The following EML6 variants were observed in gnomAD, a reference collection of about 807,000 sequenced individuals.
EML6 encodes echinoderm microtubule-associated protein-like 6.
Under a neutral mutation model 240.1 loss-of-function variants are expected in EML6, and 154 were observed. The ratio of observed to expected loss-of-function variants is 0.64; its 90% CI spans 0.56 to 0.73. The LOEUF (loss-of-function observed/expected upper bound fraction) is 0.73, where lower values mean the gene tolerates loss of function less well. Ranked by LOEUF, EML6 falls within the 30% of genes least tolerant of loss-of-function variation. The probability of loss-of-function intolerance (pLI) is 0.00; values close to 1 mark genes in which losing one functional copy is unlikely to be tolerated. For synonymous variants in EML6, 1,148 were observed against 899.0 expected (o/e 1.28, Z -4.95); for missense variants, 2,964 against 2,474.6 (o/e 1.20, Z -4.20).
intron 4 of EML6, among the ~76,000 whole-genome samples, chr2:54,817,762 A>G (rs1668142193): frequency 6.6e-6 from 1 of 152,142 alleles, no homozygotes; most frequent in South Asian, 2.1e-4. Context: ...ATGAGGCTCT[A>G]ATTAAACATG....
chr2:54,763,507 T>G (rs1350947500), intron 2 of EML6, among the ~76,000 whole-genome samples: 2 of 152,242 alleles, frequency 1.3e-5, no homozygotes, highest in Non-Finnish European at 1.5e-5. Context: ...TTCTTTCATT[T>G]TATTATCTTT....
intron 17 of EML6, among the ~76,000 whole-genome samples, chr2:54,889,518 C>G (rs974788794): frequency 4.2e-5 from 6 of 144,008 alleles, no homozygotes; most frequent in Admixed American, 3.6e-4. Context: ...TTACATGTAT[C>G]TCGTTGAGTT....
chr2:54,963,958 C>T (rs1573227210), intron 36 of EML6, 28 bp from the exon 37 acceptor site: 1 of 1,535,700 alleles, frequency 6.5e-7, no homozygotes, highest in Non-Finnish European at 8.8e-7. Context: ...GCCAAGAGCT[C>T]AGGTGACTTT....
intron 2 of EML6, among the ~76,000 whole-genome samples, chr2:54,800,633 C>A (rs1186396616): frequency 1.3e-5 from 2 of 152,126 alleles, no homozygotes; most frequent in Non-Finnish European, 2.9e-5. Context: ...TTGTCCCTTA[C>A]CACAGCTTCC....
chr2:54,753,692 G>A (rs1267650303), intron 2 of EML6, among the ~76,000 whole-genome samples: 4 of 148,268 alleles, frequency 2.7e-5, no homozygotes, highest in Non-Finnish European at 5.9e-5. Context: ...GAGAGACTGG[G>A]TCTGATTCTG....
At chr2:54,886,070 A>G (rs1339558698) in intron 17 of EML6, among the ~76,000 whole-genome samples, 1 of 151,926 alleles carries the variant, frequency 6.6e-6, no homozygotes, top group Non-Finnish European at 1.5e-5. Context: ...GGAATAGCAT[A>G]ATGAACCTTC....
At chr2:54,917,358 GTTT>G (rs147785699) in intron 26 of EML6, among the ~76,000 whole-genome samples, 32 of 123,820 alleles carry the variant, frequency 2.6e-4, no homozygotes, top group African/African-American at 3.7e-4. Context: ...TTTTTTTTTT[GTTT>G]TTTTTTTTTT....
At chr2:54,941,194 A>G (rs1474247606) in intron 28 of EML6, among the ~76,000 whole-genome samples, 1 of 152,242 alleles carries the variant, frequency 6.6e-6, no homozygotes, top group East Asian at 1.9e-4. Context: ...TTTTCAATGT[A>G]TAGTGGTCAA....
At chr2:54,876,139 T>C (rs1381617067) in intron 16 of EML6, among the ~76,000 whole-genome samples, 1 of 152,178 alleles carries the variant, frequency 6.6e-6, no homozygotes, top group Non-Finnish European at 1.5e-5. Flanking sequence ...GAAAGGACAT[T>C]ACCTAAGAGA....
intron 7 of EML6, among the ~76,000 whole-genome samples, chr2:54,834,821 A>G (rs1351385272): frequency 2.0e-5 from 3 of 152,166 alleles, no homozygotes; most frequent in Non-Finnish European, 4.4e-5. Flanking sequence ...GGCCACCACC[A>G]TCTTTTACAT....
chr2:54,956,433 A>G (rs1213412563), intron 32 of EML6, among the ~76,000 whole-genome samples: 2 of 152,168 alleles, frequency 1.3e-5, no homozygotes, highest in South Asian at 2.1e-4. Context: ...GTAGTTCCTT[A>G]TAGATCTCTA....
chr2:54,848,357 A>G (rs1282529359), intron 9 of EML6, among the ~76,000 whole-genome samples: 1 of 152,190 alleles, frequency 6.6e-6, no homozygotes, highest in African/African-American at 2.4e-5. Context: ...CATAGCTTTG[A>G]TTGGAGAATG....
At chr2:54,789,513 CAAAAAAAAAAAAAAAAAAAAAA>C (rs576842183) in intron 2 of EML6, among the ~76,000 whole-genome samples, 275 of 77,898 alleles carry the variant, frequency 3.5e-3, no homozygotes, top group Middle Eastern at 0.016. Context: ...GACTTCGTCT[CAAAAAAAAAAAAAAAAAAAAAA>C]AAAAAAAAAA....
intron 38 of EML6, among the ~76,000 whole-genome samples, chr2:54,965,971 G>A (rs566973942): frequency 6.6e-6 from 1 of 152,188 alleles, no homozygotes; most frequent in South Asian, 2.1e-4. Flanking sequence ...AGTTAGTTCA[G>A]CCTACATCCA....
Position 54,953,966 on chromosome 2 carries a change from T to G in EML6, c.4313-17T>G. 6.5e-7 allele frequency: 1 copy of G among 1,540,486 alleles called. No homozygotes were observed. The highest frequency in any genetic ancestry group is 1.4e-5 in the African/African-American group (1 of 72,646). Reference sequence around the variant, plus strand: ...ATTTGTCAGCCTTACTTCTTTGTCATGCCTCTCCACACTCAGGGACAACAC... The same window carrying G: ...ATTTGTCAGCCTTACTTCTTTGTCAGGCCTCTCCACACTCAGGGACAACAC... On this transcript the variant is annotated splice_polypyrimidine_tract_variant and intron_variant, in intron 31 of 41. Coordinates refer to ENST00000356458, the MANE Select transcript of EML6 (RefSeq NM_001039753.4).
rs535794463 is a variant in EML6 at position 54,871,456 on chromosome 2, G to C, written c.2239-44G>C. ...ACTCTAAGGAACAAAATCATTGTTA[G>C]TATAACGTGTTAGTAGTTAATAACA... is the stretch of plus-strand genomic sequence containing the variant. On this transcript the variant is annotated intron_variant, in intron 15 of 41. Coordinates refer to ENST00000356458, the MANE Select transcript of EML6 (RefSeq NM_001039753.4). The C allele has an allele frequency of 1.1e-4, 150 of 1,409,972 alleles. 1 individual carries two copies. In the Middle Eastern group the frequency reaches 2.1e-3, roughly 20 times the overall value. The allele number at this position is 1,409,972 out of a possible 1,614,324, so 87.3% of individuals were successfully genotyped here. A position where few individuals can be genotyped will look rare whatever the true frequency, so the allele number is the denominator to read the frequency against.
At chr2:54,856,416 C>G (rs192610621) in intron 11 of EML6, among the ~76,000 whole-genome samples, 1 of 152,150 alleles carries the variant, frequency 6.6e-6, no homozygotes, top group African/African-American at 2.4e-5. Flanking sequence ...TGCATTACAC[C>G]TCAGCAACCC....
rs916364081 is a variant in EML6 at position 54,964,678 on chromosome 2, A to T, written c.5438A>T (p.Asp1813Val). Residue 1813 changes from aspartate to valine, a missense_variant, in exon 38 of 42, where the codon GAT becomes GTT. Coordinates refer to ENST00000356458, the MANE Select transcript of EML6 (RefSeq NM_001039753.4). ...TNLNRIGYCKDIPSFVIQMDF... is the reference protein window; with the variant it reads ...TNLNRIGYCKVIPSFVIQMDF... ...CTGAACCGCATTGGCTACTGCAAAG[A>T]TATCCCAAGCTTTGTCATTCAGATG... is the stretch of plus-strand genomic sequence containing the variant. 6.4e-7 allele frequency: 1 copy of T among 1,552,184 alleles called. No homozygotes were observed.
chr2:54,933,951 G>A (rs1048989418), intron 28 of EML6, among the ~76,000 whole-genome samples: 12 of 152,156 alleles, frequency 7.9e-5, no homozygotes, highest in African/African-American at 2.4e-4. Flanking sequence ...TTGCCAAATA[G>A]TGGTAAAGAG....
Sources: gnomAD v4.1 joint callset for allele counts (sites outside exome capture counted in the v4.1 genomes callset) on GRCh38, gnomAD v4.1.1 for gene constraint, MANE v1.5 for transcripts, NCBI Gene and HGNC (gene_info 2026-07-23, HGNC 2026-07-21) for gene names.